The following SAMD4A variants were observed in gnomAD, a reference collection of about 807,000 sequenced individuals.
The protein encoded by SAMD4A is protein Smaug homolog 1.
Under a neutral mutation model 81.3 loss-of-function variants are expected in SAMD4A, and 33 were observed. The ratio of observed to expected loss-of-function variants is 0.41; its 90% CI spans 0.31 to 0.54. The LOEUF is 0.54. Among genes scored for constraint, SAMD4A ranks in the 20% least tolerant of loss-of-function variants. The pLI is 0.37. For synonymous variants in SAMD4A, 389 were observed against 382.1 expected, an observed-to-expected ratio of 1.02 and a Z score of -0.21; for missense variants, 854 against 951.1, an observed-to-expected ratio of 0.90 and a Z score of 1.34.
Position 54,702,185 on chromosome 14 carries a change from A to G in SAMD4A, c.320A>G (p.Lys107Arg), listed in dbSNP as rs963858135. ...AKVEYMKLLP[K>R]ILAHSIEHNQ... ...GTAGAATATATGAAACTGCTGCCCAAAATCCTGGCTCACTCTATTGAACAC... is the reference window on the plus strand; with the variant it reads ...GTAGAATATATGAAACTGCTGCCCAGAATCCTGGCTCACTCTATTGAACAC... Residue 107 changes from lysine to arginine, a missense_variant, in exon 3 of 13, where the codon AAA (lysine) becomes AGA (arginine). By Grantham distance (26) the Lys-to-Arg change is conservative. Transcript: ENST00000554335. 6.2e-7 allele frequency: 1 copy of G among 1,614,196 alleles called. No homozygotes were observed. The highest frequency in any genetic ancestry group is 8.5e-7 in the Non-Finnish European group (1 of 1,180,030).
chr14:54,671,470 G>T (rs1362747376), intron 2 of SAMD4A, among the ~76,000 whole-genome samples: 3 of 152,222 alleles, frequency 2.0e-5, no homozygotes, highest in Non-Finnish European at 4.4e-5. Context: ...ATTGTTAAAT[G>T]AGTTTGTCAA....
chr14:54,666,462 C>T (rs950925095), intron 2 of SAMD4A, among the ~76,000 whole-genome samples: 1 of 152,046 alleles, frequency 6.6e-6, no homozygotes, highest in African/African-American at 2.4e-5. Context: ...AAAAGTCGGC[C>T]CTCCATATGT....
chr14:54,590,675 G>T (rs1488710021), intron 2 of SAMD4A, among the ~76,000 whole-genome samples: 1 of 152,122 alleles, frequency 6.6e-6, no homozygotes, highest in East Asian at 1.9e-4. Context: ...CTTCTAGGGA[G>T]TGACATTGCA....
chr14:54,678,493 G>A lies in SAMD4A; in HGVS notation c.197-23569G>A, dbSNP rs1194547176. Among the ~76,000 whole-genome samples, 45 of 74,242 alleles carry A rather than the reference G, an allele frequency of 6.1e-4. 4 individuals carry two copies. Among genetic ancestry groups the A allele is most frequent in the Non-Finnish European group, 1.1e-3 (30 of 27,806 alleles). 48.7% of individuals were successfully genotyped at this position (74,242 alleles called of 152,430 possible). A position where few individuals can be genotyped will look rare whatever the true frequency, so the allele number is the denominator to read the frequency against. Reference sequence around the variant, plus strand: ...TGTGTGTGTGTGTGTGTGTGTGTGTGTGTGTGTGTGTGTGTGTGTGTGTAG... The same window carrying A: ...TGTGTGTGTGTGTGTGTGTGTGTGTATGTGTGTGTGTGTGTGTGTGTGTAG... On this transcript the variant is annotated intron_variant, in intron 2 of 12. Coordinates refer to ENST00000554335, the MANE Select transcript of SAMD4A (RefSeq NM_015589.6).
chr14:54,596,152 A>C (rs532967142), intron 2 of SAMD4A, among the ~76,000 whole-genome samples: 149 of 152,274 alleles, frequency 9.8e-4, no homozygotes, highest in African/African-American at 3.4e-3. Context: ...TGGTATTCTC[A>C]AAGGAGGTAA....
Position 54,658,479 on chromosome 14 carries a change from T to G in SAMD4A, c.197-43583T>G, listed in dbSNP as rs565866881. On this transcript the variant is annotated intron_variant, in intron 2 of 12. Transcript: ENST00000554335. ...GCCAGCCTCAAAATTTTGACCTTCTTTTCTGAACAAATGACCACTGAGTCC... is the reference window on the plus strand; with the variant it reads ...GCCAGCCTCAAAATTTTGACCTTCTGTTCTGAACAAATGACCACTGAGTCC... 3.3e-5 allele frequency among the ~76,000 whole-genome samples: 5 copies of G among 152,194 alleles called. No individual in the cohort carries two copies. In the East Asian group the frequency reaches 9.7e-4, roughly 29 times the overall value.
chr14:54,656,996 G>T (rs755665653), intron 2 of SAMD4A, among the ~76,000 whole-genome samples: 1 of 151,296 alleles, frequency 6.6e-6, no homozygotes, highest in Non-Finnish European at 1.5e-5. Flanking sequence ...CTCCCACCCC[G>T]CCGGAGAAAC....
chr14:54,789,141 G>T lies in SAMD4A; in HGVS notation c.*197G>T, dbSNP rs1027165303. The T allele has an allele frequency of 2.1e-5, 12 of 570,128 alleles. No homozygotes were observed. The highest frequency in any genetic ancestry group is 3.8e-5 in the Non-Finnish European group (12 of 316,022). The allele number at this position is 570,128 out of a possible 1,614,324, so 35.3% of individuals were successfully genotyped here. ...CAGTAGACCTGGGGTTGGTTATTTT[G>T]TCATTTGTTTCTGTCATGGGATGGT... is the stretch of plus-strand genomic sequence containing the variant. On this transcript the variant is annotated 3_prime_UTR_variant, in exon 13 of 13. Coordinates refer to ENST00000554335, the MANE Select transcript of SAMD4A (RefSeq NM_015589.6).
intron 11 of SAMD4A, 131 bp downstream of exon 11, chr14:54,776,671 T>C: frequency 9.0e-7 from 1 of 1,115,738 alleles, no homozygotes. Context: ...AAGCCTTTCC[T>C]TTTTTAAACT....
chr14:54,575,556 A>G (rs970240743), intron 2 of SAMD4A, among the ~76,000 whole-genome samples: 13 of 152,196 alleles, frequency 8.5e-5, no homozygotes, highest in Non-Finnish European at 1.3e-4. Flanking sequence ...GACAAGGTGG[A>G]CACTGTAGTC....
rs538686068 is a variant in SAMD4A, at chr14:54,650,292, C to T, written c.197-51770C>T. 1.1e-4 allele frequency among the ~76,000 whole-genome samples: 16 copies of T among 152,232 alleles called. No individual in the cohort carries two copies. In the South Asian group the frequency reaches 3.3e-3, roughly 32 times the overall value. On this transcript the variant is annotated intron_variant, in intron 2 of 12. Transcript: ENST00000554335. ...CTGTTTCTGAACCTGCATGAGTAACCAATAGTTGCTTAAATAGATAAAATT... is the reference window on the plus strand; with the variant it reads ...CTGTTTCTGAACCTGCATGAGTAACTAATAGTTGCTTAAATAGATAAAATT...
intron 10 of SAMD4A, 69 bp downstream of exon 10, chr14:54,775,204 G>A: frequency 1.3e-6 from 2 of 1,584,298 alleles, no homozygotes; most frequent in Admixed American, 1.7e-5. Context: ...TGTCCCCCCA[G>A]GTGACCCCAG....
At chr14:54,566,233 C>T (rs936830836), upstream of SAMD4A, among the ~76,000 whole-genome samples, 22 of 151,166 alleles carry the variant, frequency 1.5e-4, no homozygotes, top group Admixed American at 3.3e-4. Flanking sequence ...GCTCCGGGCG[C>T]CCCCAACCCC....
At chr14:54,621,121 T>A (rs962167486) in intron 2 of SAMD4A, among the ~76,000 whole-genome samples, 3 of 152,202 alleles carry the variant, frequency 2.0e-5, no homozygotes, top group African/African-American at 7.2e-5. Flanking sequence ...ATCTTAGGGC[T>A]GTTTGGTAGG....
rs138807822 is a variant in SAMD4A at position 54,620,872 on chromosome 14, G to T, written c.196+52760G>T. Among the ~76,000 whole-genome samples the T allele has an allele frequency of 1.7e-3, 263 of 152,256 alleles. 1 individual carries two copies. Among genetic ancestry groups the T allele is most frequent in the African/African-American group, 5.7e-3 (238 of 41,564 alleles). On this transcript the variant is annotated intron_variant, in intron 2 of 12. Coordinates refer to ENST00000554335, the MANE Select transcript of SAMD4A (RefSeq NM_015589.6). ...ACTCCTGGGTTCAAGCCATCCTCCT[G>T]CCTCAGCCTCCCAAATAGCTGGGAC...
intron 2 of SAMD4A, among the ~76,000 whole-genome samples, chr14:54,634,267 C>A (rs746484141): frequency 1.0e-4 from 11 of 109,692 alleles, no homozygotes; most frequent in Non-Finnish European, 1.7e-4. Flanking sequence ...GCCCGGGCGA[C>A]AGAGCAAGAC....
At chr14:54,672,734 A>T (rs2035911933) in intron 2 of SAMD4A, among the ~76,000 whole-genome samples, 1 of 152,224 alleles carries the variant, frequency 6.6e-6, no homozygotes, top group South Asian at 2.1e-4. Context: ...TTTTGGTACA[A>T]GGTAGCATGT....
At chr14:54,691,608 A>T (rs2036444127) in intron 2 of SAMD4A, among the ~76,000 whole-genome samples, 1 of 151,738 alleles carries the variant, frequency 6.6e-6, no homozygotes, top group Non-Finnish European at 1.5e-5. Flanking sequence ...GCATCAATAG[A>T]CCTACTAACC....
chr14:54,682,805 G>T (rs528417535), intron 2 of SAMD4A, among the ~76,000 whole-genome samples: 1 of 152,204 alleles, frequency 6.6e-6, no homozygotes, highest in Non-Finnish European at 1.5e-5. Flanking sequence ...GGCCAGCCCT[G>T]TTTTTCAGAC....
Sources: allele counts gnomAD v4.1 joint callset (sites outside exome capture counted in the v4.1 genomes callset), GRCh38; gene constraint gnomAD v4.1.1; transcripts MANE v1.5; gene names NCBI Gene and HGNC (gene_info 2026-07-23, HGNC 2026-07-21).